PTPN13: variants seen among roughly 807,000 people sequenced by gnomAD.
The protein encoded by PTPN13 is tyrosine-protein phosphatase non-receptor type 13.
In PTPN13, 191 loss-of-function variants were observed where a neutral mutation model predicts 284.0. The ratio of observed to expected loss-of-function variants is 0.67; its 90% CI spans 0.60 to 0.76. The LOEUF is 0.76. Among genes scored for constraint, PTPN13 ranks in the 30% least tolerant of loss-of-function variants. The pLI, the probability that PTPN13 is intolerant of heterozygous loss-of-function variation, is 0.00. For synonymous variants in PTPN13, 986 were observed against 1,022.3 expected (o/e 0.96, Z 0.68); for missense variants, 2,797 against 2,939.9 (o/e 0.95, Z 1.12).
chr4:86,641,443 A>C (rs932695214), intron 2 of PTPN13, among the ~76,000 whole-genome samples: 1 of 152,142 alleles, frequency 6.6e-6, no homozygotes, highest in Non-Finnish European at 1.5e-5. Context: ...AAGCATTTCT[A>C]CTGGGGTATT....
intron 10 of PTPN13, 21 bp downstream of exon 10, chr4:86,722,455 C>G: frequency 1.3e-6 from 2 of 1,581,766 alleles, no homozygotes; most frequent in Non-Finnish European, 1.7e-6. Context: ...TCTCAGGTTA[C>G]TACACATCTA....
chr4:86,596,175 T>C (rs1763767328), intron 1 of PTPN13, among the ~76,000 whole-genome samples: 1 of 152,158 alleles, frequency 6.6e-6, no homozygotes, highest in Admixed American at 6.5e-5. Flanking sequence ...GGATGGAAAT[T>C]AGAACTAAAA....
At chr4:86,637,805 A>T (rs1264688639) in intron 2 of PTPN13, among the ~76,000 whole-genome samples, 1 of 143,730 alleles carries the variant, frequency 7.0e-6, no homozygotes, top group Non-Finnish European at 1.5e-5. Flanking sequence ...CTCCTATTCA[A>T]CATAGTGTTG....
At position 86,803,808 on chromosome 4, in the gene PTPN13, G is replaced by A. The variant is rs763507387; in HGVS notation, c.6605G>A (p.Arg2202Gln). The A allele has an allele frequency of 2.9e-5, 46 of 1,613,730 alleles. No homozygotes were observed. In the East Asian group the frequency reaches 4.5e-4, roughly 16 times the overall value. The change falls in exon 43 of 48, where the codon CGA becomes CAA. Residue 2202 changes from arginine to glutamine, a missense_variant. Arg to Gln is a conservative substitution (Grantham distance 43). Transcript: ENST00000411767. ...GGTGCCAACTTAAAATCAGTCATTC[G>A]AGTCCTGCGGGGTTTGCTAGATCAA... is the stretch of plus-strand genomic sequence containing the variant. The part of the protein sequence containing the change: ...YTGANLKSVI[R>Q]VLRGLLDQGI...
intron 36 of PTPN13, among the ~76,000 whole-genome samples, chr4:86,781,723 GCGAGGC>G (rs36202325): frequency 0.099 from 15,087 of 152,036 alleles, 858 homozygotes; most frequent in Non-Finnish European, 0.11. Flanking sequence ...CCAGCACTTT[GCGAGGC>G]CGAGGCGGGC....
chr4:86,745,699 C>T (rs866521030), intron 17 of PTPN13, among the ~76,000 whole-genome samples: 14 of 152,030 alleles, frequency 9.2e-5, no homozygotes, highest in African/African-American at 3.1e-4. Context: ...TCACTTGAAC[C>T]TGGGAGGCGG....
chr4:86,727,599 A>T (rs534459254), intron 10 of PTPN13, among the ~76,000 whole-genome samples: 1 of 149,350 alleles, frequency 6.7e-6, no homozygotes, highest in South Asian at 2.1e-4. Flanking sequence ...GTTTATTTGC[A>T]TAGAGGTGTT....
At chr4:86,727,974 A>T (rs1285109055) in intron 10 of PTPN13, among the ~76,000 whole-genome samples, 1 of 149,480 alleles carries the variant, frequency 6.7e-6, no homozygotes, top group Non-Finnish European at 1.5e-5. Context: ...TTCCCTCTAC[A>T]CACTGCTTTG....
At chr4:86,667,998 C>A (rs1345499229) in intron 2 of PTPN13, among the ~76,000 whole-genome samples, 1 of 152,124 alleles carries the variant, frequency 6.6e-6, no homozygotes, top group Non-Finnish European at 1.5e-5. Context: ...ATAAAATGAT[C>A]TTAGTTTAAA....
chr4:86,768,265 A>C (rs1739561166), intron 28 of PTPN13, among the ~76,000 whole-genome samples: 1 of 152,234 alleles, frequency 6.6e-6, no homozygotes, highest in South Asian at 2.1e-4. Context: ...AAAAATAAAG[A>C]AAAACAAATG....
intron 10 of PTPN13, among the ~76,000 whole-genome samples, chr4:86,730,953 C>T (rs562882673): frequency 3.3e-4 from 50 of 152,282 alleles, no homozygotes; most frequent in African/African-American, 1.1e-3. Context: ...ATTCTTTCTA[C>T]TCTATTTCTA....
chr4:86,771,317 C>T lies in PTPN13; in HGVS notation c.4950C>T (p.Asp1650=). The T allele has an allele frequency of 6.2e-7, 1 of 1,600,394 alleles. No individual in the cohort carries two copies. Among genetic ancestry groups the T allele is most frequent in the Admixed American group, 1.7e-5 (1 of 57,942 alleles). ...AGTGCAAGTCCCCATCCAGAAGAGA[C>T]AGTTACAGTGACAGCAGTGGGAGTG... ...KKQCKSPSRR[D]SYSDSSGSGE... Residue 1650 remains aspartate, a synonymous_variant, in exon 31 of 48, where the codon GAC becomes GAT. Transcript: ENST00000411767.
chr4:86,796,080 A>G (rs1743307979), intron 40 of PTPN13, among the ~76,000 whole-genome samples: 1 of 152,208 alleles, frequency 6.6e-6, no homozygotes, highest in Non-Finnish European at 1.5e-5. Context: ...TAATTGTAGC[A>G]AACTGCTCCT....
intron 6 of PTPN13, among the ~76,000 whole-genome samples, chr4:86,700,759 A>T (rs978519390): frequency 6.6e-6 from 1 of 152,212 alleles, no homozygotes. Context: ...CATCCAGAAT[A>T]TAGCAAGAAT....
At chr4:86,741,442 C>T (rs182103727) in intron 15 of PTPN13, among the ~76,000 whole-genome samples, 192 bp from the exon 16 acceptor site, 7 of 152,210 alleles carry the variant, frequency 4.6e-5, no homozygotes, top group Admixed American at 2.6e-4. Flanking sequence ...GACTTATTCA[C>T]TGTCACAAGA....
chr4:86,642,583 G>T (rs1723936658), intron 2 of PTPN13, among the ~76,000 whole-genome samples: 1 of 150,540 alleles, frequency 6.6e-6, no homozygotes, highest in African/African-American at 2.4e-5. Flanking sequence ...CTCCTGAGTA[G>T]CTGGGATTAC....
At chr4:86,600,226 T>C (rs1013403468) in intron 1 of PTPN13, among the ~76,000 whole-genome samples, 2 of 152,070 alleles carry the variant, frequency 1.3e-5, no homozygotes, top group African/African-American at 4.8e-5. Context: ...CTTAATGGTA[T>C]TTGCCACTTG....
At chr4:86,682,284 G>A (rs181837140) in intron 3 of PTPN13, among the ~76,000 whole-genome samples, 4 of 152,268 alleles carry the variant, frequency 2.6e-5, no homozygotes, top group Non-Finnish European at 5.9e-5. Context: ...GTCCTGGCCT[G>A]CTATACTACT....
At chr4:86,617,841 G>A (rs1720746997) in intron 1 of PTPN13, among the ~76,000 whole-genome samples, 1 of 152,038 alleles carries the variant, frequency 6.6e-6, no homozygotes, top group Non-Finnish European at 1.5e-5. Flanking sequence ...TGTCAGATGA[G>A]TAGATTGCAA....
Sources: allele counts gnomAD v4.1 joint callset (sites outside exome capture counted in the v4.1 genomes callset), GRCh38; gene constraint gnomAD v4.1.1; transcripts MANE v1.5; gene names NCBI Gene and HGNC (gene_info 2026-07-23, HGNC 2026-07-21).